ARHGEF11: variants seen among roughly 807,000 people sequenced by gnomAD.
The protein encoded by ARHGEF11 is Rho guanine nucleotide exchange factor 11, also known as Rho guanine exchange factor (GEF) 11.
A neutral mutation model predicts 193.7 loss-of-function variants in ARHGEF11; 55 were observed. The observed-to-expected ratio is 0.28, with a 90% CI of 0.23 to 0.36. The LOEUF is 0.36. Ranked by LOEUF, ARHGEF11 falls within the 10% of genes least tolerant of loss-of-function variation. The pLI, the probability that ARHGEF11 is intolerant of heterozygous loss-of-function variation, is 1.00. For synonymous variants in ARHGEF11, 693 were observed against 768.0 expected, an observed-to-expected ratio of 0.90 and a Z score of 1.62; for missense variants, 1,723 against 2,005.6, an observed-to-expected ratio of 0.86 and a Z score of 2.69.
chr1:156,987,398 C>T (rs1296689065), intron 1 of ARHGEF11, among the ~76,000 whole-genome samples: 1 of 152,064 alleles, frequency 6.6e-6, no homozygotes, highest in Non-Finnish European at 1.5e-5. Flanking sequence ...GTGAAATAAA[C>T]AAAATATAGA....
At chr1:156,985,932 C>T in intron 2 of ARHGEF11, 150 bp downstream of exon 2, 1 of 624,294 alleles carries the variant, frequency 1.6e-6, no homozygotes, top group Non-Finnish European at 2.8e-6. Flanking sequence ...TGATGCTGAA[C>T]TTAGTACAGA....
chr1:157,032,608 T>C (rs912379700), intron 1 of ARHGEF11, among the ~76,000 whole-genome samples: 2 of 152,156 alleles, frequency 1.3e-5, no homozygotes, highest in Non-Finnish European at 2.9e-5. Context: ...ATTAAAGTCC[T>C]ACCTGACAGG....
chr1:157,005,020 C>T (rs758291814), intron 1 of ARHGEF11, among the ~76,000 whole-genome samples: 2 of 152,192 alleles, frequency 1.3e-5, no homozygotes, highest in African/African-American at 2.4e-5. Flanking sequence ...CTCACAGCTC[C>T]TTCTAATCTT....
intron 1 of ARHGEF11, among the ~76,000 whole-genome samples, chr1:157,039,140 C>G (rs1672424818): frequency 6.6e-6 from 1 of 152,206 alleles, no homozygotes; most frequent in African/African-American, 2.4e-5. Flanking sequence ...CCCATTTGAT[C>G]AGGCAGCTTT....
Position 156,984,313 on chromosome 1 carries a change from G to A in ARHGEF11, c.223+26C>T, listed in dbSNP as rs373273261. On this transcript the variant is annotated intron_variant, in intron 3 of 40. Coordinates refer to ENST00000368194, the MANE Select transcript of ARHGEF11 (RefSeq NM_198236.3). ...GGTGGCTTTGCAAGAACTGTCCACC[G>A]TGGGCAGGAGGGATGCAGCACTCAC... 3.4e-5 allele frequency: 53 copies of A among 1,549,076 alleles called. 1 individual carries two copies. In the African/African-American group the frequency reaches 5.6e-4, roughly 16 times the overall value.
At position 156,939,833 on chromosome 1, in the gene ARHGEF11, C is replaced by T. The variant is rs372980428; in HGVS notation, c.3811G>A (p.Glu1271Lys). The T allele has an allele frequency of 1.5e-5, 24 of 1,613,084 alleles. No homozygotes were observed. In the East Asian group the frequency reaches 2.2e-4, roughly 15 times the overall value. Reference sequence around the variant, plus strand: ...GAAGGTGTGGGTGTCAGGTCGTCCTCGGGCTCCTGGGCAGCCTGAGTTTCC... The same window carrying T: ...GAAGGTGTGGGTGTCAGGTCGTCCTTGGGCTCCTGGGCAGCCTGAGTTTCC... Reference protein sequence around the residue: ...TMETQAAQEPEDDLTPTPSVI... With the variant: ...TMETQAAQEPKDDLTPTPSVI... Residue 1271 changes from glutamate to lysine, a missense_variant, in exon 37 of 41, where the codon GAG becomes AAG. Physicochemically the swap from Glu to Lys is moderately conservative, Grantham distance 56. Coordinates refer to ENST00000368194, the MANE Select transcript of ARHGEF11 (RefSeq NM_198236.3).
intron 29 of ARHGEF11, 171 bp from the exon 30 acceptor site, chr1:156,945,368 CTT>C: frequency 1.6e-6 from 1 of 643,672 alleles, no homozygotes; most frequent in African/African-American, 1.8e-5. Flanking sequence ...GTAAGGGTAA[CTT>C]TTACTGAGCA....
intron 35 of ARHGEF11, among the ~76,000 whole-genome samples, chr1:156,940,704 C>A (rs114625352): frequency 0.022 from 3,425 of 152,242 alleles, 128 homozygotes; most frequent in African/African-American, 0.078. Flanking sequence ...GCAGTAACTT[C>A]CACCGGAAAG....
intron 1 of ARHGEF11, among the ~76,000 whole-genome samples, chr1:156,993,131 T>A (rs1272903476): frequency 6.6e-6 from 1 of 152,204 alleles, no homozygotes; most frequent in South Asian, 2.1e-4. Flanking sequence ...GTGAAACAGG[T>A]AGTACATCCC....
At position 156,942,781 on chromosome 1, in the gene ARHGEF11, CTG is replaced by C. The variant is rs1255504283; in HGVS notation, c.3236-3_3236-2del. The C allele has an allele frequency of 1.2e-6, 2 of 1,613,894 alleles. No individual in the cohort carries two copies. Among genetic ancestry groups the C allele is most frequent in the East Asian group, 4.5e-5 (2 of 44,884 alleles). On this transcript the variant is annotated splice_acceptor_variant and splice_polypyrimidine_tract_variant and intron_variant, in intron 32 of 40. Transcript: ENST00000368194. LOFTEE classifies it high-confidence loss of function. ...CAGATGATGAAGAAGGCCCGTTTAT[CTG>C]TGTGAGGAAAGGAAGGTAGAAGGGT...
At chr1:157,005,838 C>T (rs540091152) in intron 1 of ARHGEF11, among the ~76,000 whole-genome samples, 1 of 152,286 alleles carries the variant, frequency 6.6e-6, no homozygotes, top group Admixed American at 6.5e-5. Context: ...TATTAAAGGG[C>T]ACTTGTTTTG....
At chr1:156,996,528 T>A (rs191354196) in intron 1 of ARHGEF11, among the ~76,000 whole-genome samples, 2 of 151,900 alleles carry the variant, frequency 1.3e-5, no homozygotes, top group Admixed American at 1.3e-4. Context: ...TAACAAGAGA[T>A]AAAATTAAAA....
intron 18 of ARHGEF11, among the ~76,000 whole-genome samples, chr1:156,957,080 G>T (rs1165290162): frequency 6.6e-6 from 1 of 152,134 alleles, no homozygotes; most frequent in African/African-American, 2.4e-5. Flanking sequence ...TGGAAAAGGA[G>T]CTGTCAGGTG....
chr1:156,938,356 G>T, intron 38 of ARHGEF11, 62 bp downstream of exon 38: 1 of 1,508,910 alleles, frequency 6.6e-7, no homozygotes, highest in Non-Finnish European at 9.1e-7. Context: ...GTCCGACTCT[G>T]CCCTCACAGG....
At chr1:156,953,688 C>CTA (rs1466257982) in intron 21 of ARHGEF11, among the ~76,000 whole-genome samples, 6 of 151,810 alleles carry the variant, frequency 4.0e-5, no homozygotes, top group South Asian at 4.2e-4. Flanking sequence ...CTCTCTCTCT[C>CTA]TCTATATATA....
chr1:156,985,843 C>T (rs1168542527), intron 2 of ARHGEF11: 4 of 415,052 alleles, frequency 9.6e-6, no homozygotes, highest in African/African-American at 8.1e-5. Context: ...GTGTTCTGAC[C>T]TGCTCCATTT....
chr1:156,982,837 C>T (rs1664382714), intron 3 of ARHGEF11, among the ~76,000 whole-genome samples: 1 of 152,160 alleles, frequency 6.6e-6, no homozygotes, highest in South Asian at 2.1e-4. Flanking sequence ...ATAAAACTAT[C>T]TTTTTAGAGC....
chr1:156,949,565 G>A (rs1402314139), intron 22 of ARHGEF11, among the ~76,000 whole-genome samples: 1 of 152,258 alleles, frequency 6.6e-6, no homozygotes, highest in East Asian at 1.9e-4. Context: ...CTAGGGTCCT[G>A]AGGGTTTTGT....
At chr1:157,025,038 A>G (rs1312856031) in intron 1 of ARHGEF11, among the ~76,000 whole-genome samples, 2 of 152,154 alleles carry the variant, frequency 1.3e-5, no homozygotes, top group African/African-American at 4.8e-5. Context: ...AATCCCCACA[A>G]CCTCTGTCTA....
Sources: allele counts gnomAD v4.1 joint callset (sites outside exome capture counted in the v4.1 genomes callset), GRCh38; gene constraint gnomAD v4.1.1; transcripts MANE v1.5; gene names NCBI Gene and HGNC (gene_info 2026-07-23, HGNC 2026-07-21).